PTPN3: variants seen among roughly 807,000 people sequenced by gnomAD.
The protein encoded by PTPN3 is protein tyrosine phosphatase non-receptor type 3.
In PTPN3, 96 loss-of-function variants were observed where a neutral mutation model predicts 132.7. The observed-to-expected ratio is 0.72, with a 90% CI of 0.61 to 0.86. PTPN3 has a LOEUF of 0.86. PTPN3 is among the 40% of genes least tolerant of loss of function. PTPN3 has a pLI of 0.00. For synonymous variants in PTPN3, 398 were observed against 429.0 expected, an observed-to-expected ratio of 0.93 and a Z score of 0.89; for missense variants, 1,125 against 1,159.6, an observed-to-expected ratio of 0.97 and a Z score of 0.43.
the PTPN3 span, chr9:109,534,279 G>A: frequency 6.5e-7 from 1 of 1,542,238 alleles, no homozygotes; most frequent in African/African-American, 1.4e-5. Flanking sequence ...TGAGGGCGGG[G>A]GGCGGCGAGC....
At chr9:109,516,839 T>C in the PTPN3 span, among the ~76,000 whole-genome samples, 1 of 152,122 alleles carries the variant, frequency 6.6e-6, no homozygotes, top group Non-Finnish European at 1.5e-5. Context: ...TAGACCTGGT[T>C]ACTGAAGAAT....
chr9:109,476,682 G>A (rs1181302540), intron 1 of PTPN3, among the ~76,000 whole-genome samples: 1 of 152,164 alleles, frequency 6.6e-6, no homozygotes, highest in Non-Finnish European at 1.5e-5. Flanking sequence ...TCTCTGCTCT[G>A]CCACTCCCAA....
In PTPN3 at chr9:109,385,443, A is replaced by G. The variant is rs1341908269; in HGVS notation, c.2254-1892T>C. On this transcript the variant is annotated intron_variant, in intron 22 of 25. Coordinates refer to ENST00000374541, the MANE Select transcript of PTPN3 (RefSeq NM_002829.4). ...AAGCACTGAATGGTGCCTTTCATGA[A>G]CATGGCTTTACCTTGGCTTCAAAAC... 3.0e-4 allele frequency among the ~76,000 whole-genome samples: 46 copies of G among 152,296 alleles called. 1 individual carries two copies. Among genetic ancestry groups the G allele is most frequent in the African/African-American group, 2.4e-5 (1 of 41,556 alleles).
At chr9:109,425,095 T>G (rs578034697) in intron 12 of PTPN3, among the ~76,000 whole-genome samples, 1 of 152,152 alleles carries the variant, frequency 6.6e-6, no homozygotes, top group Admixed American at 6.5e-5. Flanking sequence ...CATGGCTTGC[T>G]CAACAGTAGA....
chr9:109,411,462 C>A (rs537057404), intron 14 of PTPN3, among the ~76,000 whole-genome samples: 1 of 152,272 alleles, frequency 6.6e-6, no homozygotes, highest in African/African-American at 2.4e-5. Context: ...CAGGACAGGA[C>A]CCTTGAGTCT....
intron 1 of PTPN3, among the ~76,000 whole-genome samples, chr9:109,492,872 A>C (rs1192340110): frequency 6.6e-6 from 1 of 152,234 alleles, no homozygotes; most frequent in Non-Finnish European, 1.5e-5. Context: ...CAGCTCCCGA[A>C]GAGCTTCTCT....
intron 7 of PTPN3, 97 bp downstream of exon 7, chr9:109,445,143 G>A: frequency 7.9e-7 from 1 of 1,270,412 alleles, no homozygotes; most frequent in Non-Finnish European, 1.1e-6. Flanking sequence ...GATTCCTGGG[G>A]AAGAGGGACT....
At chr9:109,382,242 C>T in intron 24 of PTPN3, 60 bp downstream of exon 24, 2 of 1,570,000 alleles carry the variant, frequency 1.3e-6, no homozygotes, top group South Asian at 1.2e-5. Context: ...TGCCAATTGT[C>T]TCCAGGCCTT....
At position 109,376,192 on chromosome 9, in the gene PTPN3, C is replaced by CT. The variant is rs985642344; in HGVS notation, c.*3363dup. 2.6e-5 allele frequency: 4 copies of CT among 152,140 alleles called. No homozygotes were observed. Among genetic ancestry groups the CT allele is most frequent in the African/African-American group, 7.2e-5 (3 of 41,420 alleles). The allele number at this position is 152,140 out of a possible 1,614,324, so 9.4% of individuals were successfully genotyped here. A position where few individuals can be genotyped will look rare whatever the true frequency, so the allele number is the denominator to read the frequency against. On this transcript the variant is annotated 3_prime_UTR_variant, in exon 26 of 26. Transcript: ENST00000374541. ...CTCATCTAGTCCAGCCCAACCTTCC[C>CT]TTTTTACATATAAGAAAACTCAGGG...
At position 109,406,635 on chromosome 9, in the gene PTPN3, A is replaced by G. The variant is rs377667662; in HGVS notation, c.1636-17T>C. On this transcript the variant is annotated splice_polypyrimidine_tract_variant and intron_variant, in intron 17 of 25. Coordinates refer to ENST00000374541, the MANE Select transcript of PTPN3 (RefSeq NM_002829.4). The stretch of plus-strand genomic sequence containing the variant: ...GGTGTCCGCCTGGGTGGTGGGGAAA[A>G]GCGAGTTTCTCCTGTTACCATAACA... 2.0e-4 allele frequency: 315 copies of G among 1,613,314 alleles called. No homozygotes were observed. Among genetic ancestry groups the G allele is most frequent in the Non-Finnish European group, 2.6e-4 (305 of 1,179,434 alleles).
chr9:109,477,730 C>T (rs1330297055), intron 1 of PTPN3, among the ~76,000 whole-genome samples: 4 of 152,190 alleles, frequency 2.6e-5, no homozygotes, highest in South Asian at 2.1e-4. Flanking sequence ...GGCCTGGGGC[C>T]GCTCCTACCT....
Position 109,379,441 on chromosome 9 carries a change from G to C in PTPN3, c.*115C>G. 1.1e-6 allele frequency: 1 copy of C among 875,066 alleles called. No individual in the cohort carries two copies. Among genetic ancestry groups the C allele is most frequent in the South Asian group, 1.5e-5 (1 of 66,916 alleles). 54.2% of individuals were successfully genotyped at this position (875,066 alleles called of 1,614,324 possible). A position where few individuals can be genotyped will look rare whatever the true frequency, so the allele number is the denominator to read the frequency against. On this transcript the variant is annotated 3_prime_UTR_variant, in exon 26 of 26. Coordinates refer to ENST00000374541, the MANE Select transcript of PTPN3 (RefSeq NM_002829.4). The stretch of plus-strand genomic sequence containing the variant: ...AAGTTTAAAGTGCCTGGGTTCAGAG[G>C]TGCCCATTCCTTTCCCACAGCTACT...
chr9:109,430,291 G>T (rs1843564799), intron 10 of PTPN3, among the ~76,000 whole-genome samples: 1 of 152,094 alleles, frequency 6.6e-6, no homozygotes, highest in Admixed American at 6.6e-5. Context: ...TGCCTTGTTT[G>T]GCCCATGGGT....
upstream of PTPN3, among the ~76,000 whole-genome samples, chr9:109,501,152 T>G (rs562218232): frequency 1.3e-5 from 2 of 152,342 alleles, no homozygotes; most frequent in East Asian, 3.9e-4. Context: ...TATATCCAGT[T>G]ACAGTAACTG....
Position 109,450,045 on chromosome 9 carries a change from T to C in PTPN3, c.369-1190A>G, listed in dbSNP as rs185575947. 7 of 983,858 alleles carry C rather than the reference T, an allele frequency of 7.1e-6. No individual in the cohort carries two copies. In the African/African-American group the frequency reaches 8.7e-5, roughly 12 times the overall value. The allele number at this position is 983,858 out of a possible 1,614,324, so 60.9% of individuals were successfully genotyped here. On this transcript the variant is annotated intron_variant, in intron 5 of 25. Coordinates refer to ENST00000374541, the MANE Select transcript of PTPN3 (RefSeq NM_002829.4). ...GCTCAGATAGGATATGTGAGGTCAA[T>C]TGTGTCTTATTTTAACCTGGATGAT... is the stretch of plus-strand genomic sequence containing the variant.
At chr9:109,508,385 C>A in the PTPN3 span, among the ~76,000 whole-genome samples, 1 of 152,206 alleles carries the variant, frequency 6.6e-6, no homozygotes, top group Non-Finnish European at 1.5e-5. Context: ...TGGTCTCAAT[C>A]TCCTGACCTT....
At chr9:109,518,721 C>G in the PTPN3 span, among the ~76,000 whole-genome samples, 1 of 152,108 alleles carries the variant, frequency 6.6e-6, no homozygotes, top group Non-Finnish European at 1.5e-5. Flanking sequence ...TGGTATGTGT[C>G]ACAAACCTCC....
At chr9:109,502,555 C>T (rs898298565), upstream of PTPN3, among the ~76,000 whole-genome samples, 8 of 152,034 alleles carry the variant, frequency 5.3e-5, no homozygotes, top group South Asian at 4.2e-4. Context: ...CTGCACTGTG[C>T]GAGGCTGAGG....
At chr9:109,416,463 T>C (rs1409057825) in intron 14 of PTPN3, among the ~76,000 whole-genome samples, 1 of 149,948 alleles carries the variant, frequency 6.7e-6, no homozygotes, top group Non-Finnish European at 1.5e-5. Flanking sequence ...TTTTTTTTTT[T>C]TTGACAGGGT....
Sources: gnomAD v4.1 joint callset for allele counts (sites outside exome capture counted in the v4.1 genomes callset) on GRCh38, gnomAD v4.1.1 for gene constraint, MANE v1.5 for transcripts, NCBI Gene and HGNC (gene_info 2026-07-23, HGNC 2026-07-21) for gene names.